The following KCNN2 variants were observed in gnomAD, a reference collection of about 807,000 sequenced individuals.
KCNN2 encodes the protein potassium calcium-activated channel subfamily N member 2.
In KCNN2, 24 loss-of-function variants were observed where a neutral mutation model predicts 55.5. The ratio of observed to expected loss-of-function variants is 0.43; its 90% CI spans 0.31 to 0.61. The LOEUF (loss-of-function observed/expected upper bound fraction) is 0.61, where lower values mean the gene tolerates loss of function less well. Ranked by LOEUF, KCNN2 falls within the 20% of genes least tolerant of loss-of-function variation. The pLI is 0.08. For synonymous variants in KCNN2, 431 were observed against 336.1 expected, an observed-to-expected ratio of 1.28 and a Z score of -3.09; for missense variants, 754 against 853.6, an observed-to-expected ratio of 0.88 and a Z score of 1.45.
rs1751063005 is a variant in KCNN2, at chr5:114,088,454, T to C, written c.-271+31954T>C. On this transcript the variant is annotated intron_variant, in intron 1 of 10. Coordinates refer to the KCNN2 transcript ENST00000512097. Reference sequence around the variant, plus strand: ...TCTGGGACTCCAGTTACAGCTGTGTTAGAAATCACTGAAGCTCTGTCCATT... The same window carrying C: ...TCTGGGACTCCAGTTACAGCTGTGTCAGAAATCACTGAAGCTCTGTCCATT... Among the ~76,000 whole-genome samples the C allele has an allele frequency of 2.0e-5, 3 of 152,108 alleles. No individual in the cohort carries two copies. In the South Asian group the frequency reaches 6.2e-4, roughly 32 times the overall value.
chr5:114,437,029 ATGTG>A (rs1561383093), intron 3 of KCNN2, among the ~76,000 whole-genome samples: 1 of 151,802 alleles, frequency 6.6e-6, no homozygotes, highest in African/African-American at 2.4e-5. Context: ...TATCTATAAA[ATGTG>A]TGTGTGTTTG....
chr5:114,466,101 C>CTCT (rs1233313347), intron 4 of KCNN2, among the ~76,000 whole-genome samples: 2 of 152,112 alleles, frequency 1.3e-5, no homozygotes, highest in African/African-American at 2.4e-5. Flanking sequence ...AGACCAAGAT[C>CTCT]TCTTATTATT....
In KCNN2 at chr5:114,363,049, G is replaced by A. The variant is rs1178595932; in HGVS notation, c.910G>A (p.Gly304Arg). Residue 304 changes from glycine (G) to arginine (R), a missense_variant, in exon 1 of 8, where the codon GGA becomes AGA. Coordinates refer to ENST00000673685, the MANE Select transcript of KCNN2 (RefSeq NM_021614.4). ...YGTGGGGSTGGGGGGGGSGHG... is the reference protein window; with the variant it reads ...YGTGGGGSTGRGGGGGGSGHG... ...AACCGGCGGCGGAGGCAGCACTGGA[G>A]GAGGCGGCGGCGGTGGCGGGAGCGG... 1.9e-6 allele frequency: 3 copies of A among 1,607,262 alleles called. No homozygotes were observed. The African/African-American group carries it at 4.0e-5, about 21-fold the overall frequency.
At chr5:114,136,616 T>G (rs1031773901) in intron 1 of KCNN2, among the ~76,000 whole-genome samples, 9 of 152,158 alleles carry the variant, frequency 5.9e-5, no homozygotes, top group Non-Finnish European at 1.2e-4. Flanking sequence ...TTAGAATAAT[T>G]TAACACTTAA....
At chr5:114,094,316 C>A (rs1006242806) in intron 1 of KCNN2, among the ~76,000 whole-genome samples, 1 of 152,112 alleles carries the variant, frequency 6.6e-6, no homozygotes, top group Non-Finnish European at 1.5e-5. Context: ...ACACTTACCC[C>A]ACCAGACCTG....
chr5:114,302,432 C>T (rs1270108510), intron 2 of KCNN2, among the ~76,000 whole-genome samples: 1 of 151,836 alleles, frequency 6.6e-6, no homozygotes, highest in Non-Finnish European at 1.5e-5. Context: ...GGTATCTAAT[C>T]ATAAGGAAAT....
intron 2 of KCNN2, among the ~76,000 whole-genome samples, chr5:114,284,551 C>T (rs1323676543): frequency 3.3e-5 from 5 of 152,090 alleles, no homozygotes; most frequent in Non-Finnish European, 7.4e-5. Flanking sequence ...TGGAGTCTTG[C>T]TCTGTTGCCA....
chr5:114,490,516 AG>A (rs1314178365), intron 6 of KCNN2, among the ~76,000 whole-genome samples: 2 of 152,146 alleles, frequency 1.3e-5, no homozygotes, highest in East Asian at 3.8e-4. Flanking sequence ...ATAATTGGAT[AG>A]TGTTTCTCTT....
Position 114,137,651 on chromosome 5 carries a change from A to C in KCNN2, c.-271+81151A>C, listed in dbSNP as rs78848997. On this transcript the variant is annotated intron_variant, in intron 1 of 10. Coordinates refer to the KCNN2 transcript ENST00000512097. ...TCTTATATGAGACTTGGAGAAGTGC[A>C]GCATACTGAGTACTGTTAGGTTCTG... Among the ~76,000 whole-genome samples, 366 of 152,310 alleles carry C rather than the reference A, an allele frequency of 2.4e-3. 5 individuals are homozygous for C. The highest frequency in any genetic ancestry group is 8.4e-3 in the African/African-American group (349 of 41,580).
intron 1 of KCNN2, among the ~76,000 whole-genome samples, chr5:114,206,933 T>A (rs1227690643): frequency 6.6e-6 from 1 of 152,192 alleles, no homozygotes; most frequent in Non-Finnish European, 1.5e-5. Flanking sequence ...TCATATTTCC[T>A]CTTTCTCATG....
intron 1 of KCNN2, among the ~76,000 whole-genome samples, chr5:114,126,049 A>G (rs1022300449): frequency 1.3e-5 from 2 of 152,096 alleles, no homozygotes; most frequent in Non-Finnish European, 2.9e-5. Context: ...GGTTATACAT[A>G]CATAACACCA....
chr5:114,362,850 C>A lies in KCNN2; in HGVS notation c.711C>A (p.His237Gln). 1 of 1,600,064 alleles carries A rather than the reference C, an allele frequency of 6.2e-7. No individual in the cohort carries two copies. The highest frequency in any genetic ancestry group is 8.5e-7 in the Non-Finnish European group (1 of 1,178,840). The change falls in exon 1 of 8, where the codon CAC becomes CAA. Residue 237 changes from histidine to glutamine, a missense_variant. Physicochemically the swap from His to Gln is conservative, Grantham distance 24 (BLOSUM62 0). Transcript: ENST00000673685. The stretch of plus-strand genomic sequence containing the variant: ...TGAGCGCGTCCCGCCGGAACCTGCA[C>A]GAGATGGACTCAGAGGCGCAGCCCC... ...SNLSASRRNL[H>Q]EMDSEAQPLQ... is the part of the protein sequence containing the mutation.
At chr5:114,273,199 C>T (rs898955592) in intron 2 of KCNN2, among the ~76,000 whole-genome samples, 8 of 152,270 alleles carry the variant, frequency 5.3e-5, no homozygotes, top group East Asian at 1.9e-4. Flanking sequence ...CTGCAAAGGA[C>T]GTGAACTCAT....
chr5:114,375,358 C>A (rs1018177967), intron 2 of KCNN2, among the ~76,000 whole-genome samples: 1 of 152,052 alleles, frequency 6.6e-6, no homozygotes, highest in Non-Finnish European at 1.5e-5. Context: ...TTCAAAGATA[C>A]ATCTAATACT....
intron 2 of KCNN2, among the ~76,000 whole-genome samples, chr5:114,321,426 G>T (rs1756611575): frequency 6.6e-6 from 1 of 152,092 alleles, no homozygotes; most frequent in Non-Finnish European, 1.5e-5. Context: ...GCAGGTTGGG[G>T]GTTGAAGGAT....
At chr5:114,248,625 C>T (rs1754796010) in intron 2 of KCNN2, among the ~76,000 whole-genome samples, 1 of 152,060 alleles carries the variant, frequency 6.6e-6, no homozygotes, top group South Asian at 2.1e-4. Context: ...CTCATTTACC[C>T]ACTAGAAAAT....
chr5:114,186,482 A>G (rs182906245), intron 1 of KCNN2, among the ~76,000 whole-genome samples: 1 of 152,196 alleles, frequency 6.6e-6, no homozygotes, highest in Non-Finnish European at 1.5e-5. Context: ...CCAGAGGCTG[A>G]ATAAAACAGA....
chr5:114,207,026 C>T (rs1355718104), intron 1 of KCNN2, among the ~76,000 whole-genome samples: 1 of 152,202 alleles, frequency 6.6e-6, no homozygotes, highest in Non-Finnish European at 1.5e-5. Flanking sequence ...ATTTAGAACA[C>T]TCTTTCTTTT....
At chr5:114,385,519 G>GCGCGCA (rs1458678711) in intron 2 of KCNN2, among the ~76,000 whole-genome samples, 2,451 of 143,448 alleles carry the variant, frequency 0.017, 27 homozygotes, top group African/African-American at 0.03. Context: ...ACACATGCGC[G>GCGCGCA]CACACACACA....
Sources: gnomAD v4.1 joint callset for allele counts (sites outside exome capture counted in the v4.1 genomes callset) on GRCh38, gnomAD v4.1.1 for gene constraint, MANE v1.5 for transcripts, NCBI Gene and HGNC (gene_info 2026-07-23, HGNC 2026-07-21) for gene names.